OSBPL11: variants seen among roughly 807,000 people sequenced by gnomAD.
OSBPL11 encodes the protein oxysterol-binding protein-related protein 11.
Under a neutral mutation model 84.4 loss-of-function variants are expected in OSBPL11, and 33 were observed. That is an observed-to-expected ratio of 0.39 (90% CI 0.30 to 0.52). The LOEUF is 0.52. Ranked by LOEUF, OSBPL11 falls within the 20% of genes least tolerant of loss-of-function variation. The probability of loss-of-function intolerance (pLI) is 0.72; values close to 1 mark genes in which losing one functional copy is unlikely to be tolerated. For synonymous variants in OSBPL11, 276 were observed against 310.2 expected, an observed-to-expected ratio of 0.89 and a Z score of 1.16; for missense variants, 736 against 901.1, an observed-to-expected ratio of 0.82 and a Z score of 2.35.
intron 8 of OSBPL11, among the ~76,000 whole-genome samples, chr3:125,554,892 AAAACAAAC>A (rs891624205): frequency 3.9e-5 from 6 of 152,162 alleles, no homozygotes; most frequent in African/African-American, 1.4e-4. Context: ...GATTTCAGAG[AAAACAAAC>A]AAACAAACAA....
intron 9 of OSBPL11, among the ~76,000 whole-genome samples, chr3:125,551,165 A>T (rs1329867594): frequency 7.2e-5 from 7 of 97,794 alleles, no homozygotes; most frequent in Admixed American, 6.3e-4. Context: ...CCCTGTTTCT[A>T]AAAAAAAAAA....
At chr3:125,535,894 A>G (rs950866790) in intron 11 of OSBPL11, among the ~76,000 whole-genome samples, 1 of 151,570 alleles carries the variant, frequency 6.6e-6, no homozygotes, top group Non-Finnish European at 1.5e-5. Context: ...GCACTTTGGG[A>G]GGCCGAGGTG....
At chr3:125,580,137 C>A in intron 2 of OSBPL11, 97 bp from the exon 3 acceptor site, 1 of 1,030,462 alleles carries the variant, frequency 9.7e-7, no homozygotes, top group Non-Finnish European at 1.4e-6. Context: ...CAGGGTTTTG[C>A]TCTTAAAAAT....
In OSBPL11 at chr3:125,547,568, C is replaced by G. The variant is rs1432297028; in HGVS notation, c.1679G>C (p.Gly560Ala). The change falls in exon 10 of 13, where the codon GGA becomes GCA. Residue 560 changes from glycine (G) to alanine (A), a missense_variant. Physicochemically the swap from Gly to Ala is moderately conservative, Grantham distance 60. Around this residue, in one of 3 missense-constraint regions of OSBPL11, gnomAD observed 579 missense variants for 717.6 expected, o/e 0.81. Transcript: ENST00000296220. Reference protein sequence around the residue: ...GEGILSLLEHGEEYTFSLPCA... With the variant: ...GEGILSLLEHAEEYTFSLPCA... ...GGGTAGAGAAAATGTGTACTCTTCT[C>G]CATGCTCCAACAGACTAAGGATACC... 6.2e-7 allele frequency: 1 copy of G among 1,611,490 alleles called. No homozygotes were observed. Among genetic ancestry groups the G allele is most frequent in the Non-Finnish European group, 8.5e-7 (1 of 1,178,680 alleles).
chr3:125,573,697 T>C (rs2922204), intron 5 of OSBPL11, among the ~76,000 whole-genome samples: 24,525 of 151,526 alleles, frequency 0.16, 2,861 homozygotes, highest in African/African-American at 0.33. Context: ...ACCCCATCTC[T>C]ACTAAAAAAA....
rs141647464 is a variant in OSBPL11 at position 125,594,665 on chromosome 3, C to A, written c.136G>T (p.Gly46Cys). ...TACTGCCAGCCTTTTGCACTGCCACCGCGGCTGCTGCTGCTGCTACTGATT... is the reference window on the plus strand; with the variant it reads ...TACTGCCAGCCTTTTGCACTGCCACAGCGGCTGCTGCTGCTGCTACTGATT... ...GGISSSSSSR[G>C]GSAKGWQYSD... Residue 46 changes from glycine (G) to cysteine (C), a missense_variant, in exon 1 of 13, where the codon GGT becomes TGT. By Grantham distance (159) the Gly-to-Cys change is radical. Around this residue, in one of 3 missense-constraint regions of OSBPL11, gnomAD observed 114 missense variants for 104.9 expected, o/e 1.09. Transcript: ENST00000296220. 1.9e-6 allele frequency: 3 copies of A among 1,613,746 alleles called. No homozygotes were observed. The highest frequency in any genetic ancestry group is 2.2e-5 in the South Asian group (2 of 91,068).
At chr3:125,543,975 C>T (rs1453859915) in intron 10 of OSBPL11, among the ~76,000 whole-genome samples, 1 of 152,098 alleles carries the variant, frequency 6.6e-6, no homozygotes, top group African/African-American at 2.4e-5. Context: ...ATTAATTTAT[C>T]TGGGACTATC....
chr3:125,530,260 A>G lies in OSBPL11; in HGVS notation c.*255T>C, dbSNP rs553871331. On this transcript the variant is annotated 3_prime_UTR_variant, in exon 13 of 13. Transcript: ENST00000296220. ...GGAGCAAGAACTGGATAAAAGATTC[A>G]TCTACTGATTCAGGTAACAAGTTTT... 6.8e-6 allele frequency: 3 copies of G among 439,948 alleles called. No individual in the cohort carries two copies. The highest frequency in any genetic ancestry group is 1.2e-5 in the Non-Finnish European group (3 of 242,036). 27.3% of individuals were successfully genotyped at this position (439,948 alleles called of 1,614,324 possible).
chr3:125,530,417 A>G lies in OSBPL11; in HGVS notation c.*98T>C. On this transcript the variant is annotated 3_prime_UTR_variant, in exon 13 of 13. Transcript: ENST00000296220. ...AGGTTTAGCTAGTTTCAGTCTGCGCAATCAGGAAGCAGGTCACTCAGTGCA... is the reference window on the plus strand; with the variant it reads ...AGGTTTAGCTAGTTTCAGTCTGCGCGATCAGGAAGCAGGTCACTCAGTGCA... The G allele has an allele frequency of 9.0e-7, 1 of 1,114,190 alleles. No individual in the cohort carries two copies. Among genetic ancestry groups the G allele is most frequent in the Admixed American group, 1.9e-5 (1 of 54,050 alleles). 69.0% of individuals were successfully genotyped at this position (1,114,190 alleles called of 1,614,324 possible). A position where few individuals can be genotyped will look rare whatever the true frequency, so the allele number is the denominator to read the frequency against.
intron 7 of OSBPL11, among the ~76,000 whole-genome samples, chr3:125,563,473 A>G (rs1252344706): frequency 2.0e-5 from 3 of 152,222 alleles, no homozygotes; most frequent in African/African-American, 4.8e-5. Context: ...ATCAAGCAAA[A>G]GTAAACTAAA....
chr3:125,531,591 AC>A (rs1935556678), intron 12 of OSBPL11, among the ~76,000 whole-genome samples: 2 of 151,596 alleles, frequency 1.3e-5, no homozygotes, highest in South Asian at 2.1e-4. Context: ...GAGCCCGGCC[AC>A]CCCCTAGCTC....
intron 8 of OSBPL11, among the ~76,000 whole-genome samples, chr3:125,557,175 G>C (rs1936002694): frequency 6.6e-6 from 1 of 152,010 alleles, no homozygotes; most frequent in African/African-American, 2.4e-5. Context: ...TATTTAAAAA[G>C]AAACAAAATG....
chr3:125,539,561 C>A (rs376920475), intron 10 of OSBPL11, among the ~76,000 whole-genome samples: 2 of 151,880 alleles, frequency 1.3e-5, no homozygotes, highest in African/African-American at 4.8e-5. Context: ...CTGCTTCAGC[C>A]TCCCAAGTAG....
chr3:125,566,069 G>T (rs576379663), intron 6 of OSBPL11, among the ~76,000 whole-genome samples: 6 of 152,204 alleles, frequency 3.9e-5, no homozygotes, highest in Non-Finnish European at 8.8e-5. Flanking sequence ...GCAGTGGCAC[G>T]ATCTGGGCTC....
chr3:125,578,359 G>C (rs998384603), intron 4 of OSBPL11, among the ~76,000 whole-genome samples: 2 of 152,096 alleles, frequency 1.3e-5, no homozygotes, highest in Admixed American at 1.3e-4. Flanking sequence ...GTTTGCTAGG[G>C]GATTGGGAAG....
At chr3:125,539,792 C>G (rs1935703712) in intron 10 of OSBPL11, among the ~76,000 whole-genome samples, 1 of 152,082 alleles carries the variant, frequency 6.6e-6, no homozygotes, top group Non-Finnish European at 1.5e-5. Flanking sequence ...CTCTAGGACA[C>G]AGATAACAAC....
rs147422766 is a variant in OSBPL11, at chr3:125,543,279, G to C, written c.1841+4127C>G. ...CCGAAGTACCTGGGATTACAGGTGC[G>C]TGCCACCATGCCCAGCTAATGTTTG... On this transcript the variant is annotated intron_variant, in intron 10 of 12. Coordinates refer to ENST00000296220, the MANE Select transcript of OSBPL11 (RefSeq NM_022776.5). Among the ~76,000 whole-genome samples, 1,226 of 151,464 alleles carry C rather than the reference G, an allele frequency of 8.1e-3. 34 individuals carry two copies. The highest frequency in any genetic ancestry group is 0.066 in the East Asian group (339 of 5,112).
Position 125,582,968 on chromosome 3 carries a change from C to G in OSBPL11, c.175G>C (p.Glu59Gln). ...AKGWQYSDHMENVYGYLMKYT... is the reference protein window; with the variant it reads ...AKGWQYSDHMQNVYGYLMKYT... ...TTCATTAAATAGCCATACACATTTT[C>G]CATGTGATCACTATTTCAAAATGAA... Residue 59 changes from glutamate (E) to glutamine (Q), a missense_variant, in exon 2 of 13, where the codon GAA (glutamate) becomes CAA (glutamine). By Grantham distance (29) the Glu-to-Gln change is conservative. Coordinates refer to ENST00000296220, the MANE Select transcript of OSBPL11 (RefSeq NM_022776.5). The G allele has an allele frequency of 4.4e-6, 7 of 1,586,392 alleles. No individual in the cohort carries two copies. The highest frequency in any genetic ancestry group is 6.0e-6 in the Non-Finnish European group (7 of 1,172,466).
intron 11 of OSBPL11, among the ~76,000 whole-genome samples, chr3:125,535,434 A>T (rs1322140082): frequency 6.8e-6 from 1 of 146,110 alleles, no homozygotes; most frequent in South Asian, 2.1e-4. Flanking sequence ...AAAATTCAGA[A>T]GCATCTTTTT....
Sources: allele counts gnomAD v4.1 joint callset (sites outside exome capture counted in the v4.1 genomes callset), GRCh38; gene constraint gnomAD v4.1.1; regional missense constraint gnomAD v4.1.1; transcripts MANE v1.5; gene names NCBI Gene and HGNC (gene_info 2026-07-23, HGNC 2026-07-21).